The following GMDS variants were observed in gnomAD, a reference collection of about 807,000 sequenced individuals.
GMDS encodes the protein GDP-mannose 4,6-dehydratase, also known as GDP-mannose 4,6 dehydratase.
A neutral mutation model predicts 49.9 loss-of-function variants in GMDS; 20 were observed. That is an observed-to-expected ratio of 0.40 (90% CI 0.28 to 0.58). GMDS has a LOEUF of 0.58. Ranked by LOEUF, GMDS falls within the 20% of genes least tolerant of loss-of-function variation. GMDS has a pLI of 0.42. For missense variants in GMDS, 362 were observed against 481.4 expected (o/e 0.75, Z 2.32); for synonymous variants, 177 against 178.6 (o/e 0.99, Z 0.07).
At chr6:1,974,634 G>A (rs1286860552) in intron 4 of GMDS, among the ~76,000 whole-genome samples, 2 of 152,042 alleles carry the variant, frequency 1.3e-5, no homozygotes, top group South Asian at 2.1e-4. Flanking sequence ...CTAAAATGTC[G>A]ACAAATTGCT....
At chr6:1,908,161 G>C (rs143899978) in intron 7 of GMDS, among the ~76,000 whole-genome samples, 2 of 152,288 alleles carry the variant, frequency 1.3e-5, no homozygotes, top group East Asian at 3.9e-4. Flanking sequence ...ATCGACAGTG[G>C]GGATCCACCG....
intron 7 of GMDS, among the ~76,000 whole-genome samples, chr6:1,787,648 T>G (rs934498626): frequency 2.6e-5 from 4 of 152,240 alleles, no homozygotes. Flanking sequence ...TCCTGGATAC[T>G]TGAAACATTT....
intron 7 of GMDS, among the ~76,000 whole-genome samples, chr6:1,893,123 G>A (rs1759957969): frequency 6.6e-6 from 1 of 152,080 alleles, no homozygotes; most frequent in Non-Finnish European, 1.5e-5. Context: ...GTGGAAATGG[G>A]GGCCCAGCTG....
intron 1 of GMDS, among the ~76,000 whole-genome samples, chr6:2,192,438 A>G (rs1244871262): frequency 6.6e-6 from 1 of 152,236 alleles, no homozygotes; most frequent in Admixed American, 6.5e-5. Flanking sequence ...AAGAGCTGTA[A>G]CACACACAGG....
In GMDS at chr6:1,820,127, TAATGA is replaced by T. The variant is rs1294664982; in HGVS notation, c.772-77546_772-77542del. On this transcript the variant is annotated intron_variant, in intron 7 of 10. Coordinates refer to ENST00000380815, the MANE Select transcript of GMDS (RefSeq NM_001500.4). ...TAAATACATATTTCTGACTTAGCAT[TAATGA>T]AATGAAACCTAAAATCTTGAAAACA... is the stretch of plus-strand genomic sequence containing the variant. Among the ~76,000 whole-genome samples, 8 of 152,128 alleles carry T rather than the reference TAATGA, an allele frequency of 5.3e-5. No homozygotes were observed. The South Asian group carries it at 1.5e-3, about 28-fold the overall frequency.
chr6:1,874,100 C>G (rs987816213), intron 7 of GMDS, among the ~76,000 whole-genome samples: 1 of 152,224 alleles, frequency 6.6e-6, no homozygotes. Context: ...CGTGCCACCC[C>G]ACGGGGACTG....
chr6:2,125,566 C>T (rs1429882071), intron 1 of GMDS, among the ~76,000 whole-genome samples: 7 of 151,940 alleles, frequency 4.6e-5, no homozygotes, highest in Non-Finnish European at 1.0e-4. Flanking sequence ...TGCACTCCAG[C>T]CTGGGTGGCA....
rs147264046 is a variant in GMDS at position 1,706,809 on chromosome 6, T to C, written c.987+19607A>G. 1.2e-3 allele frequency among the ~76,000 whole-genome samples: 178 copies of C among 152,342 alleles called. 1 individual carries two copies. The highest frequency in any genetic ancestry group is 4.1e-3 in the African/African-American group (169 of 41,570). On this transcript the variant is annotated intron_variant, in intron 9 of 10. Coordinates refer to ENST00000380815, the MANE Select transcript of GMDS (RefSeq NM_001500.4). The stretch of plus-strand genomic sequence containing the variant: ...GACACTTCCCTGAGCTACTACTCCA[T>C]AGTCTGAATGGACACGGACTTTAAT...
chr6:1,885,655 C>T (rs1759565056), intron 7 of GMDS, among the ~76,000 whole-genome samples: 1 of 152,184 alleles, frequency 6.6e-6, no homozygotes, highest in African/African-American at 2.4e-5. Context: ...CAGAGTCCAC[C>T]TTGTCAGTCT....
intron 6 of GMDS, among the ~76,000 whole-genome samples, chr6:1,956,562 GGGTGACT>G (rs1468480724): frequency 6.6e-6 from 1 of 151,986 alleles, no homozygotes; most frequent in Non-Finnish European, 1.5e-5. Context: ...AATTCAGCAT[GGGTGACT>G]GGATACCTAG....
intron 9 of GMDS, among the ~76,000 whole-genome samples, chr6:1,657,580 CAT>C (rs1763923933): frequency 6.6e-6 from 1 of 152,166 alleles, no homozygotes; most frequent in African/African-American, 2.4e-5. Flanking sequence ...TAAAGACAGA[CAT>C]AGGCATTTAT....
intron 4 of GMDS, among the ~76,000 whole-genome samples, chr6:2,027,841 G>A (rs576445455): frequency 6.8e-4 from 104 of 152,196 alleles, no homozygotes; most frequent in African/African-American, 2.4e-3. Flanking sequence ...ATGTACAGTA[G>A]AAGAAAATGG....
At chr6:1,927,744 G>A (rs534715775) in intron 7 of GMDS, among the ~76,000 whole-genome samples, 41 of 152,246 alleles carry the variant, frequency 2.7e-4, no homozygotes, top group South Asian at 1.4e-3. Flanking sequence ...AGATCTACTC[G>A]TTGACACAAG....
intron 9 of GMDS, among the ~76,000 whole-genome samples, chr6:1,692,318 G>A (rs1304675899): frequency 1.3e-5 from 2 of 152,218 alleles, no homozygotes; most frequent in African/African-American, 2.4e-5. Flanking sequence ...TTCACCCTGT[G>A]ACCATGTGAG....
At chr6:1,814,657 G>A (rs147162407) in intron 7 of GMDS, among the ~76,000 whole-genome samples, 135 of 152,236 alleles carry the variant, frequency 8.9e-4, no homozygotes, top group African/African-American at 3.1e-3. Flanking sequence ...TCACATGGAT[G>A]TAATATATAT....
At chr6:2,014,252 T>C (rs1321956329) in intron 4 of GMDS, among the ~76,000 whole-genome samples, 1 of 148,840 alleles carries the variant, frequency 6.7e-6, no homozygotes, top group Non-Finnish European at 1.5e-5. Context: ...GGTCAAAAAC[T>C]CAGGAAACAA....
At chr6:2,176,745 T>G (rs1255573357) in intron 1 of GMDS, among the ~76,000 whole-genome samples, 1 of 152,060 alleles carries the variant, frequency 6.6e-6, no homozygotes, top group African/African-American at 2.4e-5. Context: ...GGGAGTAAAG[T>G]GGGAATTGGC....
chr6:1,685,366 A>G (rs1270631398), intron 9 of GMDS, among the ~76,000 whole-genome samples: 1 of 152,230 alleles, frequency 6.6e-6, no homozygotes, highest in Non-Finnish European at 1.5e-5. Context: ...CTCCATCTCA[A>G]AAACAAAAAA....
rs1273486596 is a variant in GMDS at position 1,766,075 on chromosome 6, A to G, written c.772-23489T>C. ...CCAGTGGGCAGAGCGGCTGCACTAT[A>G]TGAAAACGACACATGTGAAATGGAG... is the stretch of plus-strand genomic sequence containing the variant. On this transcript the variant is annotated intron_variant, in intron 7 of 10. Transcript: ENST00000380815. This position sits in a 1 kb window ranked among gnomAD's most constrained non-coding sequence, Gnocchi z 4.5. Among the ~76,000 whole-genome samples the G allele has an allele frequency of 6.6e-6, 1 of 152,166 alleles. No homozygotes were observed. Among genetic ancestry groups the G allele is most frequent in the African/African-American group, 2.4e-5 (1 of 41,448 alleles).
Sources: allele counts gnomAD v4.1 joint callset (sites outside exome capture counted in the v4.1 genomes callset), GRCh38; gene constraint gnomAD v4.1.1; non-coding constraint Gnocchi (gnomAD v3.1); transcripts MANE v1.5; gene names NCBI Gene and HGNC (gene_info 2026-07-23, HGNC 2026-07-21).